Variants in CIITA observed in about 807,000 individuals in gnomAD.
CIITA encodes class II major histocompatibility complex transactivator, also known as MHC class II transactivator.
A neutral mutation model predicts 115.1 loss-of-function variants in CIITA; 72 were observed. That is an observed-to-expected ratio of 0.63 (90% CI 0.52 to 0.76). The LOEUF (loss-of-function observed/expected upper bound fraction) is 0.76. CIITA is among the 30% of genes least tolerant of loss of function. CIITA has a pLI of 0.00. For synonymous variants in CIITA, 763 were observed against 635.6 expected (o/e 1.20, Z -3.02); for missense variants, 1,617 against 1,463.8 (o/e 1.10, Z -1.71).
At chr16:10,890,823 T>G (rs930364048) in intron 1 of CIITA, among the ~76,000 whole-genome samples, 24 of 152,218 alleles carry the variant, frequency 1.6e-4, no homozygotes, top group Non-Finnish European at 5.9e-5. Flanking sequence ...TGATTGCCAG[T>G]CCCATTGCTA....
rs539345627 is a variant in CIITA at position 10,935,126 on chromosome 16, C to G, written c.*11271C>G. On this transcript the variant is annotated 3_prime_UTR_variant, in exon 20 of 20. Transcript: ENST00000324288. ...ATCCCTGTTTTACAGAGAAGGAAAC[C>G]GAGGCTTAGGAGATGAAGTCTGAGG... 78 of 152,320 alleles carry G rather than the reference C, an allele frequency of 5.1e-4. No individual in the cohort carries two copies. Among genetic ancestry groups the G allele is most frequent in the African/African-American group, 1.7e-3 (69 of 41,564 alleles). 9.4% of individuals were successfully genotyped at this position (152,320 alleles called of 1,614,324 possible).
At chr16:10,917,755 C>A (rs1179947854) in intron 15 of CIITA, among the ~76,000 whole-genome samples, 1 of 152,194 alleles carries the variant, frequency 6.6e-6, no homozygotes, top group African/African-American at 2.4e-5. Context: ...GCTGGGATTA[C>A]CGGCATGAGC....
In CIITA at chr16:10,902,150, C is replaced by G. The variant is rs761263869; in HGVS notation, c.594C>G (p.Gly198=). ...PALFNQEPAS[G]QMRLEKTDQI... ...TGTTCAACCAGGAGCCAGCCTCCGGCCAGATGCGCCTGGAGAAAACCGACC... is the reference window on the plus strand; with the variant it reads ...TGTTCAACCAGGAGCCAGCCTCCGGGCAGATGCGCCTGGAGAAAACCGACC... The change falls in exon 7 of 20, where the codon GGC becomes GGG. Residue 198 remains glycine, a synonymous_variant. Coordinates refer to ENST00000324288, the MANE Select transcript of CIITA (RefSeq NM_000246.4). 5 of 1,614,196 alleles carry G rather than the reference C, an allele frequency of 3.1e-6. No homozygotes were observed. The highest frequency in any genetic ancestry group is 3.4e-6 in the Non-Finnish European group (4 of 1,180,028).
At chr16:10,916,706 A>C in intron 15 of CIITA, 1 of 537,800 alleles carries the variant, frequency 1.9e-6, no homozygotes, top group Non-Finnish European at 3.4e-6. Context: ...GGATTCATCC[A>C]TTCACTCATT....
At chr16:10,909,321 A>G (rs989913915) in intron 12 of CIITA, 134 bp downstream of exon 12, 4 of 932,962 alleles carry the variant, frequency 4.3e-6, no homozygotes, top group Non-Finnish European at 6.9e-6. Context: ...TTTCTGGGCA[A>G]TGGCTAACCA....
Position 10,941,615 on chromosome 16 carries a change from T to A in CIITA, n.741T>A. 2 of 1,509,040 alleles carry A rather than the reference T, an allele frequency of 1.3e-6. No homozygotes were observed. The highest frequency in any genetic ancestry group is 1.4e-5 in the African/African-American group (1 of 72,220). The allele number at this position is 1,509,040 out of a possible 1,614,324, so 93.5% of individuals were successfully genotyped here. A position where few individuals can be genotyped will look rare whatever the true frequency, so the allele number is the denominator to read the frequency against. On this transcript the variant is annotated non_coding_transcript_exon_variant, in exon 2 of 2. Transcript: ENST00000573379. The surrounding 1 kb of genome is among the most constrained non-coding windows in gnomAD (Gnocchi z 6.4). ...GTCTCCTCCTGGGGAACCATCCCCG[T>A]CCAGATGGTGCCCCCAACCAGCTGC...
At chr16:10,867,014 G>C (rs966932131) in intron 1 of CIITA, among the ~76,000 whole-genome samples, 5 of 152,240 alleles carry the variant, frequency 3.3e-5, no homozygotes, top group African/African-American at 1.2e-4. Context: ...GGGAGGCCAA[G>C]GCAGGTGGAT....
chr16:10,919,094 C>T (rs893429182), intron 16 of CIITA, among the ~76,000 whole-genome samples: 2 of 152,242 alleles, frequency 1.3e-5, no homozygotes, highest in East Asian at 1.9e-4. Context: ...AGAGAAACTG[C>T]TCTCCTCTTC....
In CIITA at chr16:10,901,883, A is replaced by G; in HGVS notation, c.482-155A>G. 9.2e-7 allele frequency: 1 copy of G among 1,082,016 alleles called. No individual in the cohort carries two copies. The highest frequency in any genetic ancestry group is 1.5e-5 in the African/African-American group (1 of 64,980). 67.0% of individuals were successfully genotyped at this position (1,082,016 alleles called of 1,614,324 possible). ...AGAGGACTGGGGGACTGCCTGGCAC[A>G]GAGCAGTTGCTGATCAACACAGCTG... On this transcript the variant is annotated intron_variant, in intron 6 of 19. Transcript: ENST00000324288. This position sits in a 1 kb window ranked among gnomAD's most constrained non-coding sequence, Gnocchi z 6.8.
chr16:10,882,750 AG>A (rs2036554003), intron 1 of CIITA, among the ~76,000 whole-genome samples: 1 of 152,064 alleles, frequency 6.6e-6, no homozygotes, highest in African/African-American at 2.4e-5. Flanking sequence ...ATACAAAATT[AG>A]CCGGGTGTAG....
chr16:10,910,368 C>A (rs77686329), intron 13 of CIITA, 109 bp downstream of exon 13: 1 of 943,770 alleles, frequency 1.1e-6, no homozygotes, highest in East Asian at 2.6e-5. Flanking sequence ...CATTCTTACC[C>A]TCTTGCCCAC....
intron 13 of CIITA, 134 bp from the exon 14 acceptor site, chr16:10,915,436 A>C (rs914990675): frequency 2.7e-6 from 2 of 737,596 alleles, no homozygotes; most frequent in East Asian, 5.2e-5. Context: ...GGGACCTAAG[A>C]GGCTGGGGTG....
At chr16:10,922,916 T>C (rs2040352829) in intron 18 of CIITA, 1 of 512,850 alleles carries the variant, frequency 1.9e-6, no homozygotes, top group African/African-American at 1.9e-5. Context: ...ATCTCCACAA[T>C]CACTCACCTC....
chr16:10,891,628 T>G (rs189149431), intron 1 of CIITA, among the ~76,000 whole-genome samples: 7 of 152,262 alleles, frequency 4.6e-5, no homozygotes, highest in Admixed American at 4.6e-4. Flanking sequence ...ATGTAGGTTC[T>G]TAATAAAGAG....
At position 10,910,954 on chromosome 16, in the gene CIITA, T is replaced by C. The variant is rs932154713; in HGVS notation, c.2888+695T>C. On this transcript the variant is annotated intron_variant, in intron 13 of 19. Coordinates refer to ENST00000324288, the MANE Select transcript of CIITA (RefSeq NM_000246.4). ...ACTATCCTGGTTTGAAAACTGAAAG[T>C]CTTGCATCCCAAGAAGCCCCTTAGT... Among the ~76,000 whole-genome samples the C allele has an allele frequency of 3.6e-5, 5 of 140,680 alleles. No individual in the cohort carries two copies. The East Asian group carries it at 1.1e-3, about 30-fold the overall frequency. The allele number at this position is 140,680 out of a possible 152,430, so 92.3% of individuals were successfully genotyped here.
chr16:10,907,861 C>A lies in CIITA; in HGVS notation c.2369C>A (p.Ala790Glu), dbSNP rs1026200952. The A allele has an allele frequency of 8.1e-6, 13 of 1,610,716 alleles. No individual in the cohort carries two copies. The highest frequency in any genetic ancestry group is 4.0e-5 in the African/African-American group (3 of 74,796). Residue 790 changes from alanine (A) to glutamate (E), a missense_variant, in exon 11 of 20, where the codon GCG (alanine) becomes GAG (glutamate). Transcript: ENST00000324288. The surrounding 1 kb of genome is among the most constrained non-coding windows in gnomAD (Gnocchi z 5.0). ...GTGGACAGGAAGCAGAAGGTGCTTG[C>A]GAGGTACCTGAAGCGGCTGCAGCCG... ...ASVDRKQKVL[A>E]RYLKRLQPGT...
chr16:10,917,389 G>T (rs1005744280), intron 15 of CIITA, among the ~76,000 whole-genome samples: 2 of 151,978 alleles, frequency 1.3e-5, no homozygotes, highest in African/African-American at 2.4e-5. Context: ...GCCCAGGCTG[G>T]TCTTGAACTT....
intron 1 of CIITA, among the ~76,000 whole-genome samples, chr16:10,883,745 A>T (rs1188584889): frequency 6.6e-6 from 1 of 152,232 alleles, no homozygotes; most frequent in African/African-American, 2.4e-5. Flanking sequence ...TACTGGGGAC[A>T]TTCACAGGAG....
chr16:10,877,943 T>C (rs757421237), intron 1 of CIITA, among the ~76,000 whole-genome samples: 1 of 152,148 alleles, frequency 6.6e-6, no homozygotes, highest in Non-Finnish European at 1.5e-5. Flanking sequence ...TGCAGACACC[T>C]GGCACCGGCT....
Sources: allele counts gnomAD v4.1 joint callset (sites outside exome capture counted in the v4.1 genomes callset), GRCh38; gene constraint gnomAD v4.1.1; non-coding constraint Gnocchi (gnomAD v3.1); transcripts MANE v1.5; gene names NCBI Gene and HGNC (gene_info 2026-07-23, HGNC 2026-07-21).